The following ARNT variants were observed in gnomAD, a reference collection of about 807,000 sequenced individuals.
The protein encoded by ARNT is class E basic helix-loop-helix protein 2.
ARNT carries 30 observed loss-of-function variants against 105.0 expected under a neutral mutation model. The ratio of observed to expected loss-of-function variants is 0.29; its 90% confidence interval spans 0.21 to 0.39. The LOEUF (loss-of-function observed/expected upper bound fraction) is 0.39. Ranked by LOEUF, ARNT falls within the 10% of genes least tolerant of loss-of-function variation. The pLI is 1.00. For synonymous variants in ARNT, 304 were observed against 344.0 expected, an observed-to-expected ratio of 0.88 and a Z score of 1.29; for missense variants, 748 against 978.7, an observed-to-expected ratio of 0.76 and a Z score of 3.15.
At chr1:150,828,601 C>T (rs749051952) in intron 12 of ARNT, among the ~76,000 whole-genome samples, 89 of 151,980 alleles carry the variant, frequency 5.9e-4, no homozygotes, top group Admixed American at 1.2e-3. Context: ...ACCTCTTTTT[C>T]ACCAACCTCT....
At chr1:150,865,963 T>C (rs938326563) in intron 1 of ARNT, among the ~76,000 whole-genome samples, 3 of 152,088 alleles carry the variant, frequency 2.0e-5, no homozygotes, top group Admixed American at 2.0e-4. Flanking sequence ...CCTCAGAATT[T>C]TGAAGGCATT....
intron 1 of ARNT, among the ~76,000 whole-genome samples, chr1:150,871,239 G>A (rs1371892853): frequency 6.7e-6 from 1 of 149,980 alleles, no homozygotes; most frequent in Non-Finnish European, 1.5e-5. Context: ...TTTCCAACCT[G>A]AAGATTCACT....
chr1:150,833,759 T>C lies in ARNT; in HGVS notation c.803+779A>G, dbSNP rs75271330. The stretch of plus-strand genomic sequence containing the variant: ...AACACTAAACACCTACTGAAAGACA[T>C]AGGAAGTCTCAAATTTCTAACCAAA... On this transcript the variant is annotated intron_variant, in intron 8 of 21. Transcript: ENST00000358595. 3.5e-3 allele frequency among the ~76,000 whole-genome samples: 534 copies of C among 151,220 alleles called. 6 individuals are homozygous for C. The East Asian group carries it at 0.036, about 10-fold the overall frequency.
chr1:150,848,898 A>C (rs587746037), intron 3 of ARNT, among the ~76,000 whole-genome samples: 1 of 152,260 alleles, frequency 6.6e-6, no homozygotes, highest in South Asian at 2.1e-4. Flanking sequence ...AGTTAACAAA[A>C]CAAACAAATA....
At chr1:150,831,253 G>A (rs1659318295) in intron 10 of ARNT, among the ~76,000 whole-genome samples, 1 of 152,092 alleles carries the variant, frequency 6.6e-6, no homozygotes, top group Non-Finnish European at 1.5e-5. Context: ...ATAATACCCA[G>A]GCAGCAGGGA....
intron 19 of ARNT, among the ~76,000 whole-genome samples, chr1:150,815,101 T>C (rs1655547644): frequency 1.3e-5 from 2 of 152,304 alleles, no homozygotes; most frequent in Admixed American, 6.5e-5. Flanking sequence ...TTGTACACAA[T>C]TGAGATCGTA....
intron 1 of ARNT, among the ~76,000 whole-genome samples, chr1:150,866,990 G>C (rs895304514): frequency 6.6e-6 from 1 of 152,148 alleles, no homozygotes; most frequent in Non-Finnish European, 1.5e-5. Flanking sequence ...TGGATCACTT[G>C]AGGACGGGAG....
intron 8 of ARNT, among the ~76,000 whole-genome samples, chr1:150,833,503 TAAATAA>T (rs904987712): frequency 2.6e-5 from 4 of 151,910 alleles, no homozygotes; most frequent in Non-Finnish European, 2.9e-5. Flanking sequence ...AAAAAATAAA[TAAATAA>T]AAATAAAAAT....
chr1:150,851,305 C>A (rs1226554027), intron 3 of ARNT, among the ~76,000 whole-genome samples: 2 of 151,918 alleles, frequency 1.3e-5, no homozygotes, highest in African/African-American at 2.4e-5. Flanking sequence ...CCCGGCCACC[C>A]CTTCTGGGAA....
At chr1:150,870,467 C>G (rs1381070335) in intron 1 of ARNT, among the ~76,000 whole-genome samples, 1 of 152,150 alleles carries the variant, frequency 6.6e-6, no homozygotes, top group African/African-American at 2.4e-5. Context: ...AGCAAAAGTT[C>G]TGCTCTCATG....
chr1:150,849,067 G>A (rs1001385762), intron 3 of ARNT, among the ~76,000 whole-genome samples: 40 of 152,048 alleles, frequency 2.6e-4, no homozygotes, highest in Non-Finnish European at 5.1e-4. Context: ...GCCGGGCATG[G>A]TAGTGCATGC....
intron 4 of ARNT, among the ~76,000 whole-genome samples, chr1:150,843,448 T>C (rs1661621791): frequency 6.6e-6 from 1 of 152,134 alleles, no homozygotes; most frequent in Admixed American, 6.6e-5. Flanking sequence ...AAATGACAAA[T>C]ACAATAACCT....
intron 2 of ARNT, chr1:150,853,259 C>T (rs939138883): frequency 3.3e-5 from 12 of 368,120 alleles, no homozygotes; most frequent in Admixed American, 7.2e-5. Flanking sequence ...CAAGCCTGGG[C>T]GACAACTGCA....
intron 5 of ARNT, among the ~76,000 whole-genome samples, chr1:150,841,649 A>G (rs1438854690): frequency 6.6e-6 from 1 of 152,338 alleles, no homozygotes; most frequent in East Asian, 1.9e-4. Flanking sequence ...AGAAAAGTCT[A>G]TGCATATTTC....
chr1:150,825,577 G>A (rs587756732), intron 13 of ARNT, among the ~76,000 whole-genome samples: 3 of 152,158 alleles, frequency 2.0e-5, no homozygotes, highest in African/African-American at 4.8e-5. Context: ...TAGGCTGGGC[G>A]CAATGGCTCA....
rs376342449 is a variant in ARNT, at chr1:150,846,215, A to G, written c.227+48T>C. Reference sequence around the variant, plus strand: ...TATGCTAGGACTGTCTGGTTCTACAACATGGATCATATTATATATTACAAT... The same window carrying G: ...TATGCTAGGACTGTCTGGTTCTACAGCATGGATCATATTATATATTACAAT... On this transcript the variant is annotated intron_variant, in intron 4 of 21. Coordinates refer to ENST00000358595, the MANE Select transcript of ARNT (RefSeq NM_001668.4). 8 of 1,525,346 alleles carry G rather than the reference A, an allele frequency of 5.2e-6. No individual in the cohort carries two copies. In the African/African-American group the frequency reaches 1.1e-4, roughly 21 times the overall value. 94.5% of individuals were successfully genotyped at this position (1,525,346 alleles called of 1,614,324 possible). A position where few individuals can be genotyped will look rare whatever the true frequency, so the allele number is the denominator to read the frequency against.
At chr1:150,823,762 G>C (rs879932128) in intron 13 of ARNT, among the ~76,000 whole-genome samples, 8 of 151,194 alleles carry the variant, frequency 5.3e-5, no homozygotes, top group South Asian at 4.2e-4. Flanking sequence ...ATGTTAGCCA[G>C]GATGGTCTTG....
chr1:150,816,483 T>G, intron 18 of ARNT, 77 bp from the exon 19 acceptor site: 1 of 1,483,124 alleles, frequency 6.7e-7, no homozygotes, highest in Non-Finnish European at 9.1e-7. Context: ...GACAATCTAG[T>G]GCTATCCCTA....
Position 150,816,771 on chromosome 1 carries a change from A to G in ARNT, c.1802+17T>C. 6.4e-7 allele frequency: 1 copy of G among 1,568,250 alleles called. No homozygotes were observed. The highest frequency in any genetic ancestry group is 1.2e-5 in the South Asian group (1 of 83,446). On this transcript the variant is annotated intron_variant, in intron 18 of 21. Transcript: ENST00000358595. ...CCCTCAGGGCCCTGTAAAGCAGCAC[A>G]TATATACGGGGCTCACCTGAAATTC...
Sources: gnomAD v4.1 joint callset for allele counts (sites outside exome capture counted in the v4.1 genomes callset) on GRCh38, gnomAD v4.1.1 for gene constraint, MANE v1.5 for transcripts, NCBI Gene and HGNC (gene_info 2026-07-23, HGNC 2026-07-21) for gene names.